The following PCDHA4 variants were observed in gnomAD, a reference collection of about 807,000 sequenced individuals.
PCDHA4 encodes protocadherin alpha-4.
PCDHA4 carries 49 observed loss-of-function variants against 61.4 expected under a neutral mutation model. The observed-to-expected ratio is 0.80, with a 90% confidence interval of 0.63 to 1.01. The LOEUF (loss-of-function observed/expected upper bound fraction) is 1.01, where lower values mean the gene tolerates loss of function less well. Ranked by LOEUF, PCDHA4 falls within the 50% of genes least tolerant of loss-of-function variation. The pLI, the probability that PCDHA4 is intolerant of heterozygous loss-of-function variation, is 0.00. For missense variants in PCDHA4, 1,254 were observed against 1,235.8 expected (o/e 1.01, Z -0.22); for synonymous variants, 590 against 550.3 (o/e 1.07, Z -1.01).
At chr5:140,968,190 C>A (rs782155295) in intron 1 of PCDHA4, 2 of 1,613,954 alleles carry the variant, frequency 1.2e-6, no homozygotes, top group African/African-American at 2.7e-5. Flanking sequence ...GACTCCTATT[C>A]CATCTACATA....
At chr5:140,990,224 G>T (rs1368393390) in intron 3 of PCDHA4, among the ~76,000 whole-genome samples, 1 of 152,160 alleles carries the variant, frequency 6.6e-6, no homozygotes, top group Non-Finnish European at 1.5e-5. Flanking sequence ...GAAGTTTATT[G>T]TAACTAGCGT....
In PCDHA4 at chr5:140,807,077, C is replaced by A. The variant is rs1763842173; in HGVS notation, c.-111C>A. The A allele has an allele frequency of 1.6e-6, 2 of 1,247,964 alleles. No individual in the cohort carries two copies. The highest frequency in any genetic ancestry group is 2.3e-6 in the Non-Finnish European group (2 of 888,460). The allele number at this position is 1,247,964 out of a possible 1,614,324, so 77.3% of individuals were successfully genotyped here. A position where few individuals can be genotyped will look rare whatever the true frequency, so the allele number is the denominator to read the frequency against. Reference sequence around the variant, plus strand: ...CTTACTGGAAGGAACCATATACACTCTTTGGAGTCTGAAATATGGAGGATG... The same window carrying A: ...CTTACTGGAAGGAACCATATACACTATTTGGAGTCTGAAATATGGAGGATG... On this transcript the variant is annotated 5_prime_UTR_variant, in exon 1 of 4. Transcript: ENST00000530339.
intron 1 of PCDHA4, among the ~76,000 whole-genome samples, chr5:140,839,603 T>TG (rs1554137521): frequency 6.6e-6 from 1 of 152,086 alleles, no homozygotes; most frequent in African/African-American, 2.4e-5. Context: ...TTGCCCAGGC[T>TG]GGTCTCAAAC....
At chr5:140,994,720 A>C (rs2097647295) in intron 3 of PCDHA4, among the ~76,000 whole-genome samples, 1 of 152,160 alleles carries the variant, frequency 6.6e-6, no homozygotes. Flanking sequence ...AAAATTTAAA[A>C]TACTGGGTAT....
rs533760082 is a variant in PCDHA4 at position 140,985,940 on chromosome 5, T to C, written c.2533+3377T>C. On this transcript the variant is annotated intron_variant, in intron 3 of 3. Coordinates refer to ENST00000530339, the MANE Select transcript of PCDHA4 (RefSeq NM_018907.4). ...ATTTTTAGTAGAGCCGGGGTTTCAC[T>C]GTGTTAGCCAGGATGGTCTCAATCT... is the stretch of plus-strand genomic sequence containing the variant. Among the ~76,000 whole-genome samples, 4 of 151,946 alleles carry C rather than the reference T, an allele frequency of 2.6e-5. No homozygotes were observed. In the South Asian group the frequency reaches 6.2e-4, roughly 24 times the overall value.
At position 140,849,164 on chromosome 5, in the gene PCDHA4, T is replaced by G. The variant is rs2150431781; in HGVS notation, c.2385+39592T>G. 3.3e-5 allele frequency: 39 copies of G among 1,167,302 alleles called. 1 individual carries two copies. The highest frequency in any genetic ancestry group is 4.4e-5 in the Non-Finnish European group (37 of 840,698). The allele number at this position is 1,167,302 out of a possible 1,614,324, so 72.3% of individuals were successfully genotyped here. On this transcript the variant is annotated intron_variant, in intron 1 of 3. Coordinates refer to ENST00000530339, the MANE Select transcript of PCDHA4 (RefSeq NM_018907.4). The stretch of plus-strand genomic sequence containing the variant: ...CCGATGGAGGCAAACCCGAGCTGAC[T>G]GGCACCGTTCAATTACTCATCACGG...
chr5:140,899,962 C>G (rs1562916347), intron 1 of PCDHA4, among the ~76,000 whole-genome samples: 1 of 152,064 alleles, frequency 6.6e-6, no homozygotes, highest in African/African-American at 2.4e-5. Flanking sequence ...CATGTGCTGC[C>G]ATGCCCAGCT....
At chr5:140,884,706 C>T (rs1554181856) in intron 1 of PCDHA4, 3 of 1,489,002 alleles carry the variant, frequency 2.0e-6, no homozygotes, top group Non-Finnish European at 8.9e-7. Flanking sequence ...ACACTTTAGC[C>T]TTCCTTGCAG....
intron 1 of PCDHA4, chr5:140,867,094 A>T (rs1289520469): frequency 6.6e-6 from 1 of 152,180 alleles, no homozygotes; most frequent in Admixed American, 6.5e-5. Flanking sequence ...GTTGGAAATT[A>T]ACACCTAAAT....
intron 1 of PCDHA4, chr5:140,927,723 A>G: frequency 6.2e-7 from 1 of 1,614,220 alleles, no homozygotes; most frequent in Non-Finnish European, 8.5e-7. Context: ...ACAGCACGCA[A>G]GCAGAGCTGC....
chr5:140,985,007 G>A (rs1349447884), intron 3 of PCDHA4, among the ~76,000 whole-genome samples: 2 of 151,706 alleles, frequency 1.3e-5, no homozygotes, highest in African/African-American at 4.8e-5. Flanking sequence ...GCACGATATC[G>A]GCTCACAGCA....
chr5:140,870,382 C>T, intron 1 of PCDHA4: 1 of 1,614,178 alleles, frequency 6.2e-7, no homozygotes, highest in Non-Finnish European at 8.5e-7. Context: ...GGTGACTGCG[C>T]GGGATGGGGG....
At chr5:140,836,449 C>T (rs1774490030) in intron 1 of PCDHA4, 2 of 1,613,826 alleles carry the variant, frequency 1.2e-6, no homozygotes, top group African/African-American at 1.3e-5. Flanking sequence ...ATTGCAGGCC[C>T]AGAGACCGAG....
At chr5:140,968,044 A>C (rs959631573) in intron 1 of PCDHA4, 2 of 1,614,142 alleles carry the variant, frequency 1.2e-6, no homozygotes, top group Non-Finnish European at 1.7e-6. Context: ...TGAGCGGCCC[A>C]CTGGACCGAG....
intron 1 of PCDHA4, chr5:140,868,109 A>G (rs1371639409): frequency 6.6e-6 from 1 of 152,124 alleles, no homozygotes; most frequent in Non-Finnish European, 1.5e-5. Flanking sequence ...AATTTATTTT[A>G]TAGTTGAAAA....
intron 1 of PCDHA4, among the ~76,000 whole-genome samples, chr5:140,950,272 CT>C (rs373882606): frequency 7.9e-5 from 12 of 151,950 alleles, no homozygotes; most frequent in African/African-American, 2.9e-4. Flanking sequence ...TCCATAATGT[CT>C]TTTTGCTTCA....
intron 3 of PCDHA4, among the ~76,000 whole-genome samples, chr5:141,008,567 T>C (rs1171779674): frequency 1.3e-5 from 2 of 152,182 alleles, no homozygotes; most frequent in African/African-American, 4.8e-5. Flanking sequence ...TGCATAATCA[T>C]TTTCCCAAGA....
At chr5:140,913,384 C>T (rs1018271300) in intron 1 of PCDHA4, among the ~76,000 whole-genome samples, 1 of 152,144 alleles carries the variant, frequency 6.6e-6, no homozygotes, top group Non-Finnish European at 1.5e-5. Flanking sequence ...AGTGGCTCAT[C>T]ATAGCCACTA....
intron 1 of PCDHA4, among the ~76,000 whole-genome samples, chr5:140,903,723 A>G (rs1361598477): frequency 6.6e-6 from 1 of 152,210 alleles, no homozygotes; most frequent in Non-Finnish European, 1.5e-5. Flanking sequence ...AATTCTCCCT[A>G]TTATCAATTA....
Sources: allele counts gnomAD v4.1 joint callset (sites outside exome capture counted in the v4.1 genomes callset), GRCh38; gene constraint gnomAD v4.1.1; transcripts MANE v1.5; gene names NCBI Gene and HGNC (gene_info 2026-07-23, HGNC 2026-07-21).